The following CHD7 variants were observed in gnomAD, a reference collection of about 807,000 sequenced individuals.
The protein encoded by CHD7 is chromodomain helicase DNA binding protein 7.
A neutral mutation model predicts 307.3 loss-of-function variants in CHD7; 24 were observed. The observed-to-expected ratio is 0.08, with a 90% CI of 0.06 to 0.11. The LOEUF (loss-of-function observed/expected upper bound fraction) is 0.11, where lower values mean the gene tolerates loss of function less well. Among genes scored for constraint, CHD7 ranks in the 10% least tolerant of loss-of-function variants. The pLI, the probability that CHD7 is intolerant of heterozygous loss-of-function variation, is 1.00. For synonymous variants in CHD7, 1,363 were observed against 1,349.9 expected, an observed-to-expected ratio of 1.01 and a Z score of -0.21; for missense variants, 3,106 against 3,727.1, an observed-to-expected ratio of 0.83 and a Z score of 4.34.
intron 4 of CHD7, among the ~76,000 whole-genome samples, chr8:60,797,320 A>G (rs1030632886): frequency 1.3e-5 from 2 of 152,258 alleles, no homozygotes; most frequent in Non-Finnish European, 1.5e-5. Context: ...GTGTTTTTAC[A>G]TAGGAAGTGA....
At chr8:60,724,259 ATTC>A (rs1213583161) in intron 1 of CHD7, among the ~76,000 whole-genome samples, 1 of 152,176 alleles carries the variant, frequency 6.6e-6, no homozygotes, top group Non-Finnish European at 1.5e-5. Flanking sequence ...GCAGTGTTTA[ATTC>A]TTATTACAGC....
At chr8:60,695,404 G>T (rs1288326397) in intron 1 of CHD7, among the ~76,000 whole-genome samples, 4 of 152,196 alleles carry the variant, frequency 2.6e-5, no homozygotes, top group African/African-American at 9.7e-5. Flanking sequence ...TAATAGGACA[G>T]AATTTGATAT....
At chr8:60,684,994 A>T (rs1232617715) in intron 1 of CHD7, among the ~76,000 whole-genome samples, 1 of 152,172 alleles carries the variant, frequency 6.6e-6, no homozygotes, top group Non-Finnish European at 1.5e-5. Flanking sequence ...ACTTGGGGAT[A>T]GATGCGCTCT....
At chr8:60,750,309 CTTAT>C (rs1809571937) in intron 2 of CHD7, among the ~76,000 whole-genome samples, 1 of 152,156 alleles carries the variant, frequency 6.6e-6, no homozygotes, top group African/African-American at 2.4e-5. Context: ...GAAAGAAATA[CTTAT>C]TTAGTGCCTG....
intron 21 of CHD7, among the ~76,000 whole-genome samples, chr8:60,844,043 GCCTT>G (rs1490925547): frequency 3.3e-5 from 5 of 152,352 alleles, no homozygotes; most frequent in Admixed American, 3.3e-4. Flanking sequence ...CATGAGCACT[GCCTT>G]GGTGGCTCAG....
At chr8:60,692,139 A>G (rs946437537) in intron 1 of CHD7, among the ~76,000 whole-genome samples, 2 of 152,258 alleles carry the variant, frequency 1.3e-5, no homozygotes, top group Admixed American at 6.5e-5. Context: ...TCCATCATTC[A>G]TATTATAAGA....
rs1808718531 is a variant in CHD7 at position 60,736,475 on chromosome 8, GGGTTATGAT to G, written c.-174-4782_-174-4774del. Among the ~76,000 whole-genome samples the G allele has an allele frequency of 2.0e-5, 3 of 152,146 alleles. No individual in the cohort carries two copies. In the South Asian group the frequency reaches 6.2e-4, roughly 32 times the overall value. On this transcript the variant is annotated intron_variant, in intron 1 of 37. Coordinates refer to ENST00000423902, the MANE Select transcript of CHD7 (RefSeq NM_017780.4). ...CTTGATGATTGAGAGGTGTCTCCAT[GGGTTATGAT>G]GAGGGTGGTGATGTGCTGTTTTTTT...
chr8:60,751,666 G>A (rs1809648039), intron 2 of CHD7, among the ~76,000 whole-genome samples: 1 of 152,202 alleles, frequency 6.6e-6, no homozygotes, highest in South Asian at 2.1e-4. Flanking sequence ...TAAAACTTTA[G>A]TAGTTTATGG....
chr8:60,741,767 A>G lies in CHD7; in HGVS notation c.335A>G (p.Gln112Arg), dbSNP rs757329066. The G allele has an allele frequency of 1.2e-6, 2 of 1,613,860 alleles. No homozygotes were observed. The highest frequency in any genetic ancestry group is 3.3e-5 in the Admixed American group (2 of 60,000). ...HSQYHTPPVP[Q>R]VPHGGSGGGQ... ...CAGTATCACACCCCTCCCGTTCCTC[A>G]GGTGCCCCATGGTGGCAGTGGTGGC... The change falls in exon 2 of 38, where the codon CAG becomes CGG. Residue 112 changes from glutamine to arginine, a missense_variant. Gln to Arg is a conservative substitution (Grantham distance 43). Transcript: ENST00000423902.
At chr8:60,762,544 C>G (rs1390417145) in intron 2 of CHD7, among the ~76,000 whole-genome samples, 1 of 152,156 alleles carries the variant, frequency 6.6e-6, no homozygotes, top group Non-Finnish European at 1.5e-5. Context: ...ATACTTGGAC[C>G]TATTTAACCG....
At chr8:60,819,590 G>C (rs1291934805) in intron 8 of CHD7, among the ~76,000 whole-genome samples, 1 of 152,144 alleles carries the variant, frequency 6.6e-6, no homozygotes, top group Non-Finnish European at 1.5e-5. Flanking sequence ...TATGCTATAA[G>C]GCATCGGACA....
intron 2 of CHD7, among the ~76,000 whole-genome samples, chr8:60,770,472 G>A (rs945554169): frequency 2.6e-5 from 4 of 152,128 alleles, no homozygotes; most frequent in African/African-American, 7.2e-5. Context: ...ACACTTAATT[G>A]CTTTGGTGTC....
intron 2 of CHD7, among the ~76,000 whole-genome samples, chr8:60,766,633 C>T (rs1225637995): frequency 6.6e-6 from 1 of 152,058 alleles, no homozygotes; most frequent in East Asian, 1.9e-4. Context: ...GTGGAGGCAG[C>T]GTGATTTACA....
At position 60,841,739 on chromosome 8, in the gene CHD7, T is replaced by C. The variant is rs757379662; in HGVS notation, c.4629T>C (p.Asp1543=). Residue 1543 remains aspartate (D), a synonymous_variant, in exon 20 of 38, where the codon GAT becomes GAC. Coordinates refer to ENST00000423902, the MANE Select transcript of CHD7 (RefSeq NM_017780.4). The part of the protein sequence containing the change: ...KWAKKAELDI[D]ALNGRNNLVI... ...CTAAGAAGGCTGAATTGGATATTGA[T>C]GCCTTAAATGGGAGGGTGAGTAAGA... The C allele has an allele frequency of 5.0e-6, 8 of 1,606,248 alleles. No individual in the cohort carries two copies. Among genetic ancestry groups the C allele is most frequent in the Non-Finnish European group, 6.0e-6 (7 of 1,173,188 alleles).
At chr8:60,850,671 T>C (rs779656361) in intron 26 of CHD7, 49 bp downstream of exon 26, 24 of 1,559,536 alleles carry the variant, frequency 1.5e-5, no homozygotes, top group Non-Finnish European at 2.1e-5. Flanking sequence ...CAGTTTCACA[T>C]CTATTGGCAG....
chr8:60,740,817 C>T (rs1164182728), intron 1 of CHD7, among the ~76,000 whole-genome samples: 1 of 152,204 alleles, frequency 6.6e-6, no homozygotes, highest in Non-Finnish European at 1.5e-5. Context: ...CATCTGATTA[C>T]ACCGCTCAGG....
chr8:60,848,290 C>T (rs1003586217), intron 23 of CHD7, among the ~76,000 whole-genome samples: 3 of 152,218 alleles, frequency 2.0e-5, no homozygotes, highest in Non-Finnish European at 2.9e-5. Context: ...CTCGGGCCCT[C>T]TCTGTGCAGT....
At chr8:60,781,733 T>C (rs906302568) in intron 3 of CHD7, among the ~76,000 whole-genome samples, 2 of 152,246 alleles carry the variant, frequency 1.3e-5, no homozygotes, top group African/African-American at 4.8e-5. Flanking sequence ...TAATTATTTA[T>C]AAGAATAGAC....
intron 33 of CHD7, 65 bp downstream of exon 33, chr8:60,856,267 G>T: frequency 1.5e-6 from 2 of 1,357,090 alleles, no homozygotes; most frequent in South Asian, 2.9e-5. Context: ...CTGAGTTTGC[G>T]AGCTTATATT....
Sources: gnomAD v4.1 joint callset for allele counts (sites outside exome capture counted in the v4.1 genomes callset) on GRCh38, gnomAD v4.1.1 for gene constraint, MANE v1.5 for transcripts, NCBI Gene and HGNC (gene_info 2026-07-23, HGNC 2026-07-21) for gene names.